The following ATP13A4 variants were observed in gnomAD, a reference collection of about 807,000 sequenced individuals.
ATP13A4 encodes the protein ATPase 13A4, also known as probable cation-transporting ATPase 13A4.
ATP13A4 carries 114 observed loss-of-function variants against 142.5 expected under a neutral mutation model. That is an observed-to-expected ratio of 0.80 (90% CI 0.69 to 0.93). ATP13A4 has a LOEUF of 0.93. Ranked by LOEUF, ATP13A4 falls within the 40% of genes least tolerant of loss-of-function variation. The probability of loss-of-function intolerance (pLI) is 0.00; values close to 1 mark genes in which losing one functional copy is unlikely to be tolerated. For missense variants in ATP13A4, 1,392 were observed against 1,454.0 expected (o/e 0.96, Z 0.69); for synonymous variants, 488 against 514.8 (o/e 0.95, Z 0.70).
At chr3:193,544,206 GC>G (rs1723099137) in intron 1 of ATP13A4, among the ~76,000 whole-genome samples, 2 of 152,176 alleles carry the variant, frequency 1.3e-5, no homozygotes, top group African/African-American at 4.8e-5. Flanking sequence ...GAAACCATCT[GC>G]CAGGACACAA....
At chr3:193,428,080 A>C (rs1319593355) in intron 25 of ATP13A4, among the ~76,000 whole-genome samples, 3 of 152,110 alleles carry the variant, frequency 2.0e-5, no homozygotes, top group Admixed American at 2.0e-4. Context: ...CAAAGAACTC[A>C]AACAAATTTA....
intron 1 of ATP13A4, among the ~76,000 whole-genome samples, chr3:193,540,091 G>T (rs1022965629): frequency 3.0e-4 from 46 of 152,038 alleles, no homozygotes; most frequent in African/African-American, 1.0e-3. Flanking sequence ...CGACACCAAG[G>T]TAAGAGGAAT....
intron 2 of ATP13A4, among the ~76,000 whole-genome samples, chr3:193,568,200 A>G (rs1256630039): frequency 6.6e-6 from 1 of 152,006 alleles, no homozygotes; most frequent in East Asian, 1.9e-4. Context: ...ACCTCAGGTG[A>G]TCTGCCTGCC....
At chr3:193,573,276 C>CTTATATATATATATATTCTT (rs745558107) in intron 2 of ATP13A4, among the ~76,000 whole-genome samples, 2 of 77,844 alleles carry the variant, frequency 2.6e-5, no homozygotes, top group Admixed American at 1.2e-4. Context: ...TATATATATA[C>CTTATATATATATATATTCTT]ATATATATAT....
At chr3:193,504,020 T>TGTGTGTGTGTGTGTGAGAGA (rs1034644341) in intron 2 of ATP13A4, among the ~76,000 whole-genome samples, 2 of 144,216 alleles carry the variant, frequency 1.4e-5, no homozygotes, top group East Asian at 2.0e-4. Flanking sequence ...TGTGTGTGTG[T>TGTGTGTGTGTGTGTGAGAGA]GAGAGAGAGA....
chr3:193,403,945 C>T (rs1714369864), intron 29 of ATP13A4: 2 of 985,206 alleles, frequency 2.0e-6, no homozygotes, highest in African/African-American at 1.7e-5. Flanking sequence ...CTAAAATCTA[C>T]CCATTTTTGC....
intron 2 of ATP13A4, among the ~76,000 whole-genome samples, chr3:193,504,164 A>G (rs540620458): frequency 6.6e-6 from 1 of 151,404 alleles, no homozygotes; most frequent in South Asian, 2.1e-4. Flanking sequence ...CTGTGGATTT[A>G]AAAAAAAAGG....
Position 193,411,042 on chromosome 3 carries a change from C to A in ATP13A4, c.3237G>T (p.Gln1079His). 6.2e-7 allele frequency: 1 copy of A among 1,610,674 alleles called. No individual in the cohort carries two copies. Among genetic ancestry groups the A allele is most frequent in the Non-Finnish European group, 8.5e-7 (1 of 1,177,192 alleles). Residue 1079 changes from glutamine (Q) to histidine (H), a missense_variant, in exon 28 of 30, where the codon CAG becomes CAT. Coordinates refer to ENST00000342695, the MANE Select transcript of ATP13A4 (RefSeq NM_032279.4). ...NYIFVLVLIIQLGVCLFILFA... is the reference protein window; with the variant it reads ...NYIFVLVLIIHLGVCLFILFA... ...ATAGAATGAATAGACATACACCAAG[C>A]TGTATTATCAGCACAAGGACAAATA...
At chr3:193,495,367 G>A (rs1033214261) in intron 3 of ATP13A4, among the ~76,000 whole-genome samples, 1 of 151,976 alleles carries the variant, frequency 6.6e-6, no homozygotes, top group Admixed American at 6.6e-5. Flanking sequence ...AAAGTTAACA[G>A]CACATTAAAA....
At chr3:193,582,192 A>C (rs1724562362) in intron 1 of ATP13A4, among the ~76,000 whole-genome samples, 1 of 139,576 alleles carries the variant, frequency 7.2e-6, no homozygotes, top group Non-Finnish European at 1.5e-5. Flanking sequence ...CTTGTGGCCC[A>C]GGCTGGAGTG....
intron 1 of ATP13A4, among the ~76,000 whole-genome samples, chr3:193,517,111 C>A (rs953828553): frequency 4.6e-5 from 7 of 152,198 alleles, no homozygotes; most frequent in Non-Finnish European, 1.0e-4. Context: ...CAGTCTAGAC[C>A]TCTGCAGCAC....
At chr3:193,555,779 G>C (rs956382074), upstream of ATP13A4, among the ~76,000 whole-genome samples, 1 of 152,196 alleles carries the variant, frequency 6.6e-6, no homozygotes, top group Non-Finnish European at 1.5e-5. Context: ...AAAACTGTCA[G>C]AAGTCCCAAT....
At chr3:193,469,816 C>T (rs193196666) in intron 9 of ATP13A4, among the ~76,000 whole-genome samples, 241 of 152,202 alleles carry the variant, frequency 1.6e-3, no homozygotes, top group African/African-American at 5.6e-3. Context: ...ATGGTCTCTG[C>T]AGAGTGGTCA....
At chr3:193,508,509 A>G (rs1159695676) in intron 2 of ATP13A4, among the ~76,000 whole-genome samples, 1 of 152,246 alleles carries the variant, frequency 6.6e-6, no homozygotes, top group Non-Finnish European at 1.5e-5. Context: ...GGAGAAAAAA[A>G]TCTCTACTGG....
At chr3:193,403,123 C>T (rs1203530065) in intron 29 of ATP13A4, among the ~76,000 whole-genome samples, 1 of 152,118 alleles carries the variant, frequency 6.6e-6, no homozygotes, top group Non-Finnish European at 1.5e-5. Context: ...AATGGCTTGC[C>T]TCAAAAATGA....
In ATP13A4 at chr3:193,459,238, G is replaced by C. The variant is rs758959316; in HGVS notation, c.1524-7C>G. 6.2e-7 allele frequency: 1 copy of C among 1,614,210 alleles called. No homozygotes were observed. Reference sequence around the variant, plus strand: ...GCTGTGAACTTCCTGAAAGCTTAAGGAGAAAAGGAAATGGGTTTCCATTCC... The same window carrying C: ...GCTGTGAACTTCCTGAAAGCTTAAGCAGAAAAGGAAATGGGTTTCCATTCC... On this transcript the variant is annotated splice_polypyrimidine_tract_variant and splice_region_variant and intron_variant, in intron 13 of 29. Transcript: ENST00000342695.
intron 2 of ATP13A4, among the ~76,000 whole-genome samples, chr3:193,577,714 G>A (rs921600743): frequency 1.3e-5 from 2 of 152,210 alleles, no homozygotes; most frequent in African/African-American, 4.8e-5. Context: ...GTGAGTGCAA[G>A]AGCACAGTCA....
intron 9 of ATP13A4, among the ~76,000 whole-genome samples, chr3:193,468,650 A>G (rs960147069): frequency 1.3e-5 from 2 of 152,232 alleles, no homozygotes; most frequent in African/African-American, 2.4e-5. Flanking sequence ...TGGAGGCTGA[A>G]GCACGAGAAT....
At chr3:193,456,426 C>T (rs1028609452) in intron 16 of ATP13A4, among the ~76,000 whole-genome samples, 5 of 152,106 alleles carry the variant, frequency 3.3e-5, no homozygotes, top group African/African-American at 1.2e-4. Context: ...TGAGAGTAAG[C>T]TGTGAAGACT....
Sources: gnomAD v4.1 joint callset for allele counts (sites outside exome capture counted in the v4.1 genomes callset) on GRCh38, gnomAD v4.1.1 for gene constraint, MANE v1.5 for transcripts, NCBI Gene and HGNC (gene_info 2026-07-23, HGNC 2026-07-21) for gene names.